The following SORCS2 variants were observed in gnomAD, a reference collection of about 807,000 sequenced individuals.
The protein encoded by SORCS2 is VPS10 domain-containing receptor SorCS2.
SORCS2 carries 100 observed loss-of-function variants against 141.6 expected under a neutral mutation model. That is an observed-to-expected ratio of 0.71 (90% CI 0.60 to 0.83). The LOEUF is 0.83. SORCS2 is among the 40% of genes least tolerant of loss of function. The probability of loss-of-function intolerance (pLI) is 0.00; values close to 1 mark genes in which losing one functional copy is unlikely to be tolerated. For missense variants in SORCS2, 1,646 were observed against 1,560.2 expected (o/e 1.05, Z -0.93); for synonymous variants, 789 against 676.9 (o/e 1.17, Z -2.57).
intron 25 of SORCS2, among the ~76,000 whole-genome samples, chr4:7,735,812 A>C (rs1240845770): frequency 1.3e-5 from 2 of 152,070 alleles, no homozygotes; most frequent in Non-Finnish European, 2.9e-5. Flanking sequence ...CAGGAATCCC[A>C]CCTCCTTCCT....
rs2108881799 is a variant in SORCS2, at chr4:7,210,146, C to G, written c.480+17020C>G. The stretch of plus-strand genomic sequence containing the variant: ...GGTGGCATTCCCCAGAGAAGGACGT[C>G]ATCAGCCTTGTGTGGGGCCAGGTGG... On this transcript the variant is annotated intron_variant, in intron 1 of 26. Transcript: ENST00000507866. Among the ~76,000 whole-genome samples the G allele has an allele frequency of 2.0e-5, 3 of 152,302 alleles. No homozygotes were observed. The East Asian group carries it at 5.8e-4, about 29-fold the overall frequency.
chr4:7,418,077 G>C (rs369382776), intron 2 of SORCS2, among the ~76,000 whole-genome samples: 2 of 152,122 alleles, frequency 1.3e-5, no homozygotes, highest in Non-Finnish European at 2.9e-5. Flanking sequence ...TACCAGTTAC[G>C]CTGTCACTTC....
In SORCS2 at chr4:7,591,660, C is replaced by T. The variant is rs16840589; in HGVS notation, c.649-46668C>T. On this transcript the variant is annotated intron_variant, in intron 3 of 26. Transcript: ENST00000507866. The stretch of plus-strand genomic sequence containing the variant: ...TTGAATTCCGGCTCACGAGGATTAA[C>T]GATGACGAGGGGGGTGTTAGCTCTG... 8.5e-3 allele frequency among the ~76,000 whole-genome samples: 1,287 copies of T among 152,296 alleles called. 21 individuals are homozygous for T. The highest frequency in any genetic ancestry group is 0.029 in the African/African-American group (1,200 of 41,562).
At chr4:7,535,901 G>A (rs1455366807) in intron 3 of SORCS2, among the ~76,000 whole-genome samples, 1 of 152,236 alleles carries the variant, frequency 6.6e-6, no homozygotes, top group Non-Finnish European at 1.5e-5. Context: ...GGCATGTCCC[G>A]CCCACACCTC....
chr4:7,299,818 C>T (rs1464521930), intron 1 of SORCS2, among the ~76,000 whole-genome samples: 1 of 152,212 alleles, frequency 6.6e-6, no homozygotes, highest in Non-Finnish European at 1.5e-5. Context: ...CCTGAGCTCT[C>T]TGTGTTCCCA....
In SORCS2 at chr4:7,582,032, C is replaced by G. The variant is rs1716193791; in HGVS notation, c.648+50403C>G. Among the ~76,000 whole-genome samples, 2 of 152,134 alleles carry G rather than the reference C, an allele frequency of 1.3e-5. 1 individual carries two copies. Among genetic ancestry groups the G allele is most frequent in the South Asian group, 4.2e-4 (2 of 4,818 alleles). ...TGCTTTGTAAGCATCATTTTAATGG[C>G]TTCAAAATAGTCTATGATTTAGATA... is the stretch of plus-strand genomic sequence containing the variant. On this transcript the variant is annotated intron_variant, in intron 3 of 26. Transcript: ENST00000507866.
At chr4:7,197,084 G>T (rs1727216563) in intron 1 of SORCS2, among the ~76,000 whole-genome samples, 1 of 152,174 alleles carries the variant, frequency 6.6e-6, no homozygotes. Context: ...AGAGATCAAG[G>T]TATTGTCCAG....
At chr4:7,552,828 T>C (rs1307997330) in intron 3 of SORCS2, among the ~76,000 whole-genome samples, 1 of 152,138 alleles carries the variant, frequency 6.6e-6, no homozygotes, top group Non-Finnish European at 1.5e-5. Context: ...AATCAGGGTG[T>C]GGAGGGGCCT....
intron 2 of SORCS2, among the ~76,000 whole-genome samples, chr4:7,503,892 C>T (rs972685549): frequency 6.6e-6 from 1 of 152,198 alleles, no homozygotes; most frequent in Non-Finnish European, 1.5e-5. Flanking sequence ...TCTGGGTTGG[C>T]AGCGTCGGGG....
chr4:7,273,491 C>A (rs547640763), intron 1 of SORCS2, among the ~76,000 whole-genome samples: 1 of 152,208 alleles, frequency 6.6e-6, no homozygotes, highest in African/African-American at 2.4e-5. Flanking sequence ...AGAAAGGAGG[C>A]TGAGGCAGAG....
intron 1 of SORCS2, among the ~76,000 whole-genome samples, chr4:7,334,186 G>T (rs1016669887): frequency 6.6e-6 from 1 of 152,172 alleles, no homozygotes; most frequent in Non-Finnish European, 1.5e-5. Context: ...ACACAGGCAT[G>T]TTGGGTGCAG....
At chr4:7,590,021 T>C (rs1716809771) in intron 3 of SORCS2, among the ~76,000 whole-genome samples, 1 of 152,130 alleles carries the variant, frequency 6.6e-6, no homozygotes. Flanking sequence ...GGCTGGAGGA[T>C]GCATTTATAA....
chr4:7,715,911 T>C (rs542548028), intron 17 of SORCS2, among the ~76,000 whole-genome samples: 6 of 152,324 alleles, frequency 3.9e-5, no homozygotes, highest in Non-Finnish European at 7.4e-5. Context: ...ACTCACCTAA[T>C]TGTCCTCCTT....
At chr4:7,620,023 TCCTCCTCCTCCTTCC>T (rs1719053377) in intron 3 of SORCS2, among the ~76,000 whole-genome samples, 2 of 150,054 alleles carry the variant, frequency 1.3e-5, no homozygotes, top group Admixed American at 1.3e-4. Context: ...TCCTCCTTCC[TCCTCCTCCTCCTTCC>T]TCCTCCTCCT....
chr4:7,656,059 A>C (rs1721755780), intron 5 of SORCS2, among the ~76,000 whole-genome samples: 1 of 152,188 alleles, frequency 6.6e-6, no homozygotes, highest in Admixed American at 6.5e-5. Flanking sequence ...AGCGGTGGGG[A>C]TATCTCCCCT....
chr4:7,391,333 G>C (rs972345042), intron 1 of SORCS2, among the ~76,000 whole-genome samples: 1 of 152,202 alleles, frequency 6.6e-6, no homozygotes, highest in Non-Finnish European at 1.5e-5. Flanking sequence ...TGTTAATGCC[G>C]TTGTGGGTCC....
intron 1 of SORCS2, among the ~76,000 whole-genome samples, chr4:7,272,370 G>A (rs144296266): frequency 1.0e-3 from 156 of 152,306 alleles, no homozygotes; most frequent in African/African-American, 2.5e-3. Context: ...GAAGAATGGC[G>A]TTGATTATAA....
At chr4:7,367,062 A>G (rs917650486) in intron 1 of SORCS2, among the ~76,000 whole-genome samples, 1 of 152,168 alleles carries the variant, frequency 6.6e-6, no homozygotes, top group Non-Finnish European at 1.5e-5. Flanking sequence ...TGGATGTTAA[A>G]ATAGCCTCTG....
At position 7,740,831 on chromosome 4, in the gene SORCS2, C is replaced by G; in HGVS notation, c.*567C>G. On this transcript the variant is annotated 3_prime_UTR_variant, in exon 27 of 27. Coordinates refer to ENST00000507866, the MANE Select transcript of SORCS2 (RefSeq NM_020777.3). ...AAACTGCAGCTCTGTAAATGCCTCT[C>G]TAGGTAGCTGCTGGCGGTGGTGGGG... The G allele has an allele frequency of 2.6e-6, 1 of 386,994 alleles. No individual in the cohort carries two copies. Among genetic ancestry groups the G allele is most frequent in the Non-Finnish European group, 4.6e-6 (1 of 219,104 alleles). 24.0% of individuals were successfully genotyped at this position (386,994 alleles called of 1,614,324 possible).
Sources: allele counts gnomAD v4.1 joint callset (sites outside exome capture counted in the v4.1 genomes callset), GRCh38; gene constraint gnomAD v4.1.1; transcripts MANE v1.5; gene names NCBI Gene and HGNC (gene_info 2026-07-23, HGNC 2026-07-21).